Variants in CANX observed in about 807,000 individuals in gnomAD.
CANX encodes the protein calnexin, also known as epididymis secretory sperm binding protein.
CANX carries 14 observed loss-of-function variants against 75.7 expected under a neutral mutation model. That is an observed-to-expected ratio of 0.19 (90% CI 0.12 to 0.29). CANX has a LOEUF of 0.29. Among genes scored for constraint, CANX ranks in the 10% least tolerant of loss-of-function variants. The pLI is 1.00. For synonymous variants in CANX, 227 were observed against 236.9 expected (o/e 0.96, Z 0.38); for missense variants, 567 against 713.2 (o/e 0.79, Z 2.34).
intron 1 of CANX, among the ~76,000 whole-genome samples, chr5:179,680,317 A>G (rs1776030047): frequency 6.6e-6 from 1 of 152,138 alleles, no homozygotes; most frequent in Non-Finnish European, 1.5e-5. Context: ...TCTGAAAGCA[A>G]TCTGGGAGGA....
At chr5:179,722,544 C>T (rs1778379755) in intron 10 of CANX, among the ~76,000 whole-genome samples, 1 of 152,180 alleles carries the variant, frequency 6.6e-6, no homozygotes. Flanking sequence ...TTGAATGGGC[C>T]AGGAACTTGA....
chr5:179,703,218 G>A (rs1198989494), intron 1 of CANX, among the ~76,000 whole-genome samples: 1 of 150,972 alleles, frequency 6.6e-6, no homozygotes, highest in Non-Finnish European at 1.5e-5. Context: ...TGGTGGAGTG[G>A]TGGAGTCTTT....
chr5:179,696,267 C>CTT (rs34048949), upstream of CANX, among the ~76,000 whole-genome samples: 566 of 56,778 alleles, frequency 1.0e-2, 8 homozygotes, highest in African/African-American at 0.031. Flanking sequence ...AGTGTCATTT[C>CTT]TTTTTTTTTT....
intron 7 of CANX, chr5:179,715,809 TTTC>T (rs1408972346): frequency 2.4e-6 from 1 of 415,892 alleles, no homozygotes; most frequent in Non-Finnish European, 4.4e-6. Flanking sequence ...GTTTATGTAG[TTTC>T]TTGTTTTTTT....
At chr5:179,708,861 G>A (rs1173360686) in intron 5 of CANX, 117 bp from the exon 6 acceptor site, 6 of 569,844 alleles carry the variant, frequency 1.1e-5, no homozygotes, top group Non-Finnish European at 2.0e-5. Context: ...CCTTTGTAAG[G>A]GTAAACATTT....
chr5:179,684,959 T>C (rs1195845076), intron 1 of CANX, among the ~76,000 whole-genome samples: 2 of 108,500 alleles, frequency 1.8e-5, no homozygotes, highest in African/African-American at 3.5e-5. Context: ...TTTTTTTTAC[T>C]AGAGACAGGG....
chr5:179,711,388 C>T (rs1034908102), intron 7 of CANX, among the ~76,000 whole-genome samples: 3 of 151,998 alleles, frequency 2.0e-5, no homozygotes, highest in African/African-American at 4.8e-5. Context: ...TGCCACTGCA[C>T]TGTAGCCTGG....
Position 179,728,613 on chromosome 5 carries a change from C to A in CANX, c.1748C>A (p.Ser583Ter). The change falls in exon 15 of 15, where the codon TCA becomes TAA. Residue 583 changes from serine (S) to a stop codon, truncating the protein, a stop_gained. Transcript: ENST00000247461. LOFTEE classifies it high-confidence loss of function. ...KAEEDEILNRSPRNRKPRRE is the reference protein window; with the variant it reads ...KAEEDEILNR ...TAGGAGGATGAAATTTTGAACAGATCACCAAGAAACAGAAAGCCACGAAGA... is the reference window on the plus strand; with the variant it reads ...TAGGAGGATGAAATTTTGAACAGATAACCAAGAAACAGAAAGCCACGAAGA... 6.2e-7 allele frequency: 1 copy of A among 1,605,194 alleles called. No homozygotes were observed. Among genetic ancestry groups the A allele is most frequent in the Non-Finnish European group, 8.5e-7 (1 of 1,172,060 alleles).
chr5:179,709,046 C>A lies in CANX; in HGVS notation c.515C>A (p.Pro172Gln). 6.3e-7 allele frequency: 1 copy of A among 1,585,684 alleles called. No homozygotes were observed. The highest frequency in any genetic ancestry group is 1.1e-5 in the South Asian group (1 of 90,512). Reference sequence around the variant, plus strand: ...TATGTGAAACTGCTTTCTAAAACACCAGAACTCAACCTGGTATGTAATTCC... The same window carrying A: ...TATGTGAAACTGCTTTCTAAAACACAAGAACTCAACCTGGTATGTAATTCC... ...GAYVKLLSKTPELNLDQFHDK... is the reference protein window; with the variant it reads ...GAYVKLLSKTQELNLDQFHDK... Residue 172 changes from proline to glutamine, a missense_variant, in exon 6 of 15, where the codon CCA becomes CAA. This residue lies in a region of CANX where 351 missense variants were observed against 433.8 expected (regional missense o/e 0.81). Transcript: ENST00000247461.
chr5:179,700,051 T>G (rs1288165132), intron 1 of CANX: 1 of 152,212 alleles, frequency 6.6e-6, no homozygotes, highest in Non-Finnish European at 1.5e-5. Context: ...CGATGATCAT[T>G]GCGGTACGTT....
Position 179,709,898 on chromosome 5 carries a change from A to T in CANX, c.554A>T (p.Tyr185Phe), listed in dbSNP as rs1040946377. Residue 185 changes from tyrosine to phenylalanine, a missense_variant, in exon 7 of 15, where the codon TAT (tyrosine) becomes TTT (phenylalanine). Physicochemically the swap from Tyr to Phe is conservative, Grantham distance 22 (BLOSUM62 3). Around this residue, in one of 3 missense-constraint regions of CANX, gnomAD observed 351 missense variants for 433.8 expected, o/e 0.81. Coordinates refer to ENST00000247461, the MANE Select transcript of CANX (RefSeq NM_001746.4). ...GATCAGTTCCATGACAAGACCCCTTATACGATTATGTTTGGTCCAGATAAA... is the reference window on the plus strand; with the variant it reads ...GATCAGTTCCATGACAAGACCCCTTTTACGATTATGTTTGGTCCAGATAAA... ...NLDQFHDKTP[Y>F]TIMFGPDKCG... 3 of 1,605,210 alleles carry T rather than the reference A, an allele frequency of 1.9e-6. No homozygotes were observed. The South Asian group carries it at 3.4e-5, about 18-fold the overall frequency.
intron 7 of CANX, among the ~76,000 whole-genome samples, chr5:179,712,897 T>C (rs1358138622): frequency 1.4e-5 from 2 of 143,976 alleles, no homozygotes; most frequent in Non-Finnish European, 3.0e-5. Context: ...CTAATTTTTC[T>C]TTTTTTTATT....
intron 4 of CANX, 138 bp downstream of exon 4, chr5:179,707,328 T>G: frequency 1.6e-6 from 1 of 608,244 alleles, no homozygotes; most frequent in Admixed American, 2.5e-5. Flanking sequence ...CTCACGCCTG[T>G]AATCCCAGCA....
At chr5:179,712,171 T>TTTG (rs761927915) in intron 7 of CANX, among the ~76,000 whole-genome samples, 1 of 151,862 alleles carries the variant, frequency 6.6e-6, no homozygotes, top group Non-Finnish European at 1.5e-5. Context: ...CTTCCTTTTT[T>TTTG]TTGTTGTTGT....
Position 179,678,891 on chromosome 5 carries a change from T to G in CANX, c.-4+114T>G, listed in dbSNP as rs1478142430. ...CGCGTCCTCGCCAGCTGGCTCTCAG[T>G]GGTCCACCGCCCGCCGCGGAACACG... On this transcript the variant is annotated intron_variant, in intron 1 of 14. Coordinates refer to the CANX transcript ENST00000681674. 52 of 1,535,302 alleles carry G rather than the reference T, an allele frequency of 3.4e-5. 1 individual carries two copies. The highest frequency in any genetic ancestry group is 4.4e-5 in the Non-Finnish European group (50 of 1,145,930).
chr5:179,703,550 A>G (rs1406987340), intron 1 of CANX, among the ~76,000 whole-genome samples: 7 of 151,682 alleles, frequency 4.6e-5, no homozygotes, highest in African/African-American at 1.5e-4. Context: ...GGCTTCTCCT[A>G]CCTTAGCCTT....
intron 1 of CANX, among the ~76,000 whole-genome samples, chr5:179,684,179 C>T (rs1776140169): frequency 6.6e-6 from 1 of 152,098 alleles, no homozygotes. Flanking sequence ...GTGAAAGTTT[C>T]TGTTTCTCTG....
At position 179,706,433 on chromosome 5, in the gene CANX, CTTTAT is replaced by C. The variant is rs986127830; in HGVS notation, c.245+115_245+119del. 28 of 578,750 alleles carry C rather than the reference CTTTAT, an allele frequency of 4.8e-5. 1 individual carries two copies. In the Middle Eastern group the frequency reaches 1.4e-3, roughly 28 times the overall value. The allele number at this position is 578,750 out of a possible 1,614,324, so 35.9% of individuals were successfully genotyped here. A position where few individuals can be genotyped will look rare whatever the true frequency, so the allele number is the denominator to read the frequency against. ...GCATCTTTTATAGTGAAATGTCTAA[CTTTAT>C]TTTATTTTATTTATTTATTTTTTGA... On this transcript the variant is annotated intron_variant, in intron 3 of 14. Coordinates refer to ENST00000247461, the MANE Select transcript of CANX (RefSeq NM_001746.4).
chr5:179,720,908 C>T (rs754302782), intron 10 of CANX, among the ~76,000 whole-genome samples: 37 of 152,164 alleles, frequency 2.4e-4, no homozygotes, highest in African/African-American at 5.8e-4. Context: ...CTCAGACTCC[C>T]GAGTAGCTGG....
Sources: allele counts gnomAD v4.1 joint callset (sites outside exome capture counted in the v4.1 genomes callset), GRCh38; gene constraint gnomAD v4.1.1; regional missense constraint gnomAD v4.1.1; transcripts MANE v1.5; gene names NCBI Gene and HGNC (gene_info 2026-07-23, HGNC 2026-07-21).